Variants in TNFSF4 observed in about 807,000 individuals in gnomAD.
The protein encoded by TNFSF4 is TNF superfamily member 4.
A neutral mutation model predicts 7.3 loss-of-function variants in TNFSF4; 4 were observed. The observed-to-expected ratio is 0.55, with a 90% CI of 0.27 to 1.25. The LOEUF (loss-of-function observed/expected upper bound fraction) is 1.25. TNFSF4 is among the 50% of genes most tolerant of loss of function. TNFSF4 has a pLI of 0.12. For synonymous variants in TNFSF4, 76 were observed against 83.7 expected (o/e 0.91, Z 0.50); for missense variants, 181 against 208.8 (o/e 0.87, Z 0.82).
the TNFSF4 span, among the ~76,000 whole-genome samples, chr1:173,241,874 C>A: frequency 6.6e-6 from 1 of 152,172 alleles, no homozygotes; most frequent in Non-Finnish European, 1.5e-5. Flanking sequence ...TGAAGCTGGT[C>A]TGGCTGATAC....
At chr1:173,254,146 C>T in the TNFSF4 span, among the ~76,000 whole-genome samples, 1 of 152,330 alleles carries the variant, frequency 6.6e-6, no homozygotes, top group African/African-American at 2.4e-5. Flanking sequence ...AAGACTCAAA[C>T]TCTTTAGTTG....
chr1:173,242,640 T>C, the TNFSF4 span, among the ~76,000 whole-genome samples: 1 of 152,064 alleles, frequency 6.6e-6, no homozygotes, highest in Non-Finnish European at 1.5e-5. Flanking sequence ...TCAAATCACG[T>C]GAGTCCCTAA....
At chr1:173,313,201 C>A in the TNFSF4 span, among the ~76,000 whole-genome samples, 5 of 152,096 alleles carry the variant, frequency 3.3e-5, no homozygotes, top group Non-Finnish European at 7.4e-5. Flanking sequence ...GATATCAAGT[C>A]ATTGCCCATT....
chr1:173,319,541 A>AC, the TNFSF4 span, among the ~76,000 whole-genome samples: 10 of 152,150 alleles, frequency 6.6e-5, no homozygotes, highest in Middle Eastern at 0.014. Context: ...TGGGTCCCTG[A>AC]CCCCTGTGCC....
At chr1:173,255,126 G>T in the TNFSF4 span, among the ~76,000 whole-genome samples, 1 of 152,156 alleles carries the variant, frequency 6.6e-6, no homozygotes, top group South Asian at 2.1e-4. Flanking sequence ...AATTGAGATA[G>T]GCAAAAACCT....
chr1:173,281,595 A>G, the TNFSF4 span, among the ~76,000 whole-genome samples: 2 of 152,182 alleles, frequency 1.3e-5, no homozygotes, highest in African/African-American at 4.8e-5. Context: ...ATATGCTTAC[A>G]TAAGAAAGCT....
At chr1:173,448,394 TGAAGTCATAC>T in the TNFSF4 span, among the ~76,000 whole-genome samples, 5 of 152,196 alleles carry the variant, frequency 3.3e-5, no homozygotes, top group African/African-American at 1.2e-4. Flanking sequence ...TTGGAATAAC[TGAAGTCATAC>T]AAAGAATCTT....
At chr1:173,416,095 G>A in the TNFSF4 span, among the ~76,000 whole-genome samples, 1 of 152,162 alleles carries the variant, frequency 6.6e-6, no homozygotes, top group Non-Finnish European at 1.5e-5. Flanking sequence ...GCCCAGGGAG[G>A]TAGAGCCAAC....
the TNFSF4 span, chr1:173,363,486 A>G: frequency 1.1e-4 from 47 of 429,766 alleles, no homozygotes; most frequent in African/African-American, 9.2e-4. Flanking sequence ...CTTCTGCCAG[A>G]ATCATTTCAA....
the TNFSF4 span, among the ~76,000 whole-genome samples, chr1:173,359,510 TAAAAAAAAAAAAAAAAA>T: frequency 8.1e-6 from 1 of 122,748 alleles, no homozygotes; most frequent in Non-Finnish European, 1.7e-5. Context: ...TTACCAGCTG[TAAAAAAAAAAAAAAAAA>T]AAAAAAAAAA....
At chr1:173,376,545 T>C in the TNFSF4 span, among the ~76,000 whole-genome samples, 2 of 152,200 alleles carry the variant, frequency 1.3e-5, no homozygotes, top group Non-Finnish European at 2.9e-5. Context: ...TAAAGAATTG[T>C]AAACACACCA....
At chr1:173,400,016 A>G in the TNFSF4 span, among the ~76,000 whole-genome samples, 1 of 152,208 alleles carries the variant, frequency 6.6e-6, no homozygotes, top group Non-Finnish European at 1.5e-5. Context: ...ACTGGAATAG[A>G]CACTCTGGAT....
In TNFSF4 at chr1:173,186,542, T is replaced by C; in HGVS notation, c.526A>G (p.Asn176Asp). 1 of 1,613,542 alleles carries C rather than the reference T, an allele frequency of 6.2e-7. No homozygotes were observed. Among genetic ancestry groups the C allele is most frequent in the East Asian group, 2.2e-5 (1 of 44,874 alleles). ...CAAAGGACACAGAATTCACCAGGAT[T>C]TTGATGGATAAGAATCAGTTCTCCG... ...NGGELILIHQ[N>D]PGEFCVL Residue 176 changes from asparagine (N) to aspartate (D), a missense_variant, in exon 3 of 3, where the codon AAT (asparagine) becomes GAT (aspartate). Transcript: ENST00000281834.
At chr1:173,204,031 A>C (rs1650062486) in intron 1 of TNFSF4, among the ~76,000 whole-genome samples, 1 of 152,218 alleles carries the variant, frequency 6.6e-6, no homozygotes, top group South Asian at 2.1e-4. Flanking sequence ...TTTTCTAAAC[A>C]GTGTGTTTTG....
intron 1 of TNFSF4, among the ~76,000 whole-genome samples, chr1:173,203,669 T>G (rs1650045535): frequency 6.6e-6 from 1 of 152,178 alleles, no homozygotes; most frequent in Non-Finnish European, 1.5e-5. Flanking sequence ...GTATCTCTAC[T>G]TCTGTTGTTC....
At chr1:173,265,676 C>T in the TNFSF4 span, among the ~76,000 whole-genome samples, 2 of 152,132 alleles carry the variant, frequency 1.3e-5, no homozygotes, top group African/African-American at 2.4e-5. Context: ...TATGCAAATC[C>T]TTTCCACTCT....
intron 1 of TNFSF4, among the ~76,000 whole-genome samples, chr1:173,198,004 G>T (rs189497372): frequency 2.0e-5 from 3 of 151,900 alleles, no homozygotes; most frequent in Non-Finnish European, 2.9e-5. Context: ...GTTGCATATT[G>T]TCATAATAAA....
chr1:173,414,069 C>T, the TNFSF4 span, among the ~76,000 whole-genome samples: 1 of 152,162 alleles, frequency 6.6e-6, no homozygotes, highest in Admixed American at 6.6e-5. Flanking sequence ...ACCTTATGTT[C>T]AGTTCTCATC....
the TNFSF4 span, among the ~76,000 whole-genome samples, chr1:173,405,261 C>A: frequency 6.6e-6 from 1 of 152,214 alleles, no homozygotes; most frequent in South Asian, 2.1e-4. Flanking sequence ...ACAAAAGCAG[C>A]CACACTAACA....
Sources: allele counts gnomAD v4.1 joint callset (sites outside exome capture counted in the v4.1 genomes callset), GRCh38; gene constraint gnomAD v4.1.1; transcripts MANE v1.5; gene names NCBI Gene and HGNC (gene_info 2026-07-23, HGNC 2026-07-21).